Variants in LAMA2 observed in about 807,000 individuals in gnomAD.
The protein encoded by LAMA2 is laminin subunit alpha-2.
Under a neutral mutation model 364.8 loss-of-function variants are expected in LAMA2, and 269 were observed. The observed-to-expected ratio is 0.74, with a 90% CI of 0.67 to 0.82. The LOEUF is 0.82. Among genes scored for constraint, LAMA2 ranks in the 40% least tolerant of loss-of-function variants. LAMA2 has a pLI of 0.00. For missense variants in LAMA2, 3,807 were observed against 3,873.2 expected (o/e 0.98, Z 0.45); for synonymous variants, 1,379 against 1,370.6 (o/e 1.01, Z -0.14).
intron 10 of LAMA2, among the ~76,000 whole-genome samples, chr6:129,178,111 T>G (rs1780723857): frequency 6.6e-6 from 1 of 152,158 alleles, no homozygotes. Context: ...ACAAAAACAC[T>G]TTCACCCCAT....
intron 56 of LAMA2, among the ~76,000 whole-genome samples, chr6:129,488,195 A>C (rs1439039941): frequency 6.6e-6 from 1 of 152,138 alleles, no homozygotes; most frequent in Admixed American, 6.5e-5. Flanking sequence ...CTGTAATCAC[A>C]GCTACTCTGG....
chr6:129,196,224 G>A lies in LAMA2; in HGVS notation c.1782+3371G>A, dbSNP rs1293819096. 2.6e-5 allele frequency among the ~76,000 whole-genome samples: 4 copies of A among 152,262 alleles called. No homozygotes were observed. The East Asian group carries it at 7.7e-4, about 29-fold the overall frequency. On this transcript the variant is annotated intron_variant, in intron 12 of 64. Transcript: ENST00000421865. Reference sequence around the variant, plus strand: ...ATTAGGAGAGTCTGCTGACATAATAGCATCTGGCTTCTAAAAGTAATCTCT... The same window carrying A: ...ATTAGGAGAGTCTGCTGACATAATAACATCTGGCTTCTAAAAGTAATCTCT...
At chr6:129,083,339 A>G (rs1226898570) in intron 3 of LAMA2, among the ~76,000 whole-genome samples, 1 of 152,212 alleles carries the variant, frequency 6.6e-6, no homozygotes, top group Non-Finnish European at 1.5e-5. Context: ...CCAGGGTAAC[A>G]TAAGCGAGAC....
intron 1 of LAMA2, among the ~76,000 whole-genome samples, chr6:128,921,714 A>ATTTTTTT (rs1229128215): frequency 0.078 from 8,637 of 110,298 alleles, 792 homozygotes; most frequent in African/African-American, 0.26. Flanking sequence ...TTTTTTTTTT[A>ATTTTTTT]TTATTATTAT....
rs767566213 is a variant in LAMA2 at position 129,451,804 on chromosome 6, CAA to C, written c.6430-1182_6430-1181del. ...GAAGGGCCACAGTTCTGCCCATACT[CAA>C]ACACAAATGAGGCTCTTGGAGACAC... On this transcript the variant is annotated intron_variant, in intron 45 of 64. Coordinates refer to ENST00000421865, the MANE Select transcript of LAMA2 (RefSeq NM_000426.4). 3.9e-5 allele frequency among the ~76,000 whole-genome samples: 6 copies of C among 152,276 alleles called. No homozygotes were observed. In the South Asian group the frequency reaches 6.2e-4, roughly 16 times the overall value.
chr6:128,992,022 A>G (rs1783640490), intron 1 of LAMA2, among the ~76,000 whole-genome samples: 1 of 152,240 alleles, frequency 6.6e-6, no homozygotes, highest in Admixed American at 6.5e-5. Context: ...GTATAGGACA[A>G]TTGATACGGT....
At chr6:129,212,049 A>G (rs1280958432) in intron 12 of LAMA2, among the ~76,000 whole-genome samples, 1 of 152,224 alleles carries the variant, frequency 6.6e-6, no homozygotes, top group Non-Finnish European at 1.5e-5. Flanking sequence ...AAACTTACAA[A>G]AAGTGTTGGA....
intron 43 of LAMA2, chr6:129,442,358 AT>A: frequency 2.4e-6 from 1 of 414,070 alleles, no homozygotes; most frequent in Non-Finnish European, 3.5e-6. Flanking sequence ...ATTTTTTAAA[AT>A]TTTTTAATGT....
At chr6:129,401,388 G>A (rs1779966117) in intron 38 of LAMA2, 48 bp downstream of exon 38, 1 of 1,156,910 alleles carries the variant, frequency 8.6e-7, no homozygotes, top group East Asian at 2.3e-5. Flanking sequence ...GAATAAATGG[G>A]AGCCGATGAG....
chr6:128,914,719 T>G (rs1778206206), intron 1 of LAMA2, among the ~76,000 whole-genome samples: 1 of 152,174 alleles, frequency 6.6e-6, no homozygotes, highest in Non-Finnish European at 1.5e-5. Context: ...TGTAAGTGTA[T>G]GTGCTAATCA....
chr6:128,937,797 C>G (rs1299654629), intron 1 of LAMA2, among the ~76,000 whole-genome samples: 5 of 151,438 alleles, frequency 3.3e-5, no homozygotes, highest in Non-Finnish European at 4.4e-5. Context: ...TATTTATGCT[C>G]TAATATGTAT....
chr6:129,257,971 T>A (rs1038279625), intron 14 of LAMA2, among the ~76,000 whole-genome samples: 1 of 152,106 alleles, frequency 6.6e-6, no homozygotes, highest in African/African-American at 2.4e-5. Flanking sequence ...ATTTATTATT[T>A]AAGTATTTAG....
intron 1 of LAMA2, among the ~76,000 whole-genome samples, chr6:129,026,321 A>G (rs1435254478): frequency 1.3e-5 from 2 of 152,194 alleles, no homozygotes; most frequent in South Asian, 2.1e-4. Context: ...TAAATTATGT[A>G]ACATTTTAAT....
chr6:129,125,298 A>G (rs1777048101), intron 4 of LAMA2, among the ~76,000 whole-genome samples: 1 of 152,230 alleles, frequency 6.6e-6, no homozygotes, highest in South Asian at 2.1e-4. Context: ...GTGAAGCTGA[A>G]TAGATAGTGT....
intron 34 of LAMA2, among the ~76,000 whole-genome samples, chr6:129,378,396 T>G (rs1352040582): frequency 1.3e-5 from 2 of 152,220 alleles, no homozygotes; most frequent in Non-Finnish European, 2.9e-5. Context: ...TACCACTATC[T>G]ATCACCACTA....
At chr6:129,445,620 C>T in intron 44 of LAMA2, 47 bp from the exon 45 acceptor site, 2 of 1,506,300 alleles carry the variant, frequency 1.3e-6, no homozygotes, top group South Asian at 1.1e-5. Context: ...TCTGTGTGTG[C>T]ACGTGTGTGC....
rs757069748 is a variant in LAMA2, at chr6:129,306,185, TA to T, written c.3174+5315del. Among the ~76,000 whole-genome samples the T allele has an allele frequency of 5.9e-5, 9 of 152,090 alleles. No individual in the cohort carries two copies. The South Asian group carries it at 1.9e-3, about 32-fold the overall frequency. On this transcript the variant is annotated intron_variant, in intron 22 of 64. Coordinates refer to ENST00000421865, the MANE Select transcript of LAMA2 (RefSeq NM_000426.4). ...TCTTTTTCCTTGTGTATATCAATTT[TA>T]ATGCTTTAAATTCCTTTGTGTACAT...
intron 1 of LAMA2, among the ~76,000 whole-genome samples, chr6:128,991,078 GA>G (rs1373950035): frequency 1.3e-5 from 2 of 151,954 alleles, no homozygotes; most frequent in Middle Eastern, 3.4e-3. Context: ...GTTGGATTTT[GA>G]TTCGAAAAGT....
At chr6:128,899,775 GT>G (rs1000099037) in intron 1 of LAMA2, among the ~76,000 whole-genome samples, 168 of 149,508 alleles carry the variant, frequency 1.1e-3, no homozygotes, top group African/African-American at 3.8e-3. Flanking sequence ...TGCTTCTTGA[GT>G]TTTTTTTTTC....
Sources: allele counts gnomAD v4.1 joint callset (sites outside exome capture counted in the v4.1 genomes callset), GRCh38; gene constraint gnomAD v4.1.1; transcripts MANE v1.5; gene names NCBI Gene and HGNC (gene_info 2026-07-23, HGNC 2026-07-21).